The following ASCC3 variants were observed in gnomAD, a reference collection of about 807,000 sequenced individuals.
ASCC3 encodes ASC-1 complex subunit P200.
In ASCC3, 158 loss-of-function variants were observed where a neutral mutation model predicts 256.3. That is an observed-to-expected ratio of 0.62 (90% CI 0.54 to 0.70). ASCC3 has a LOEUF of 0.70. Ranked by LOEUF, ASCC3 falls within the 30% of genes least tolerant of loss-of-function variation. The pLI is 0.00. For synonymous variants in ASCC3, 948 were observed against 883.4 expected (o/e 1.07, Z -1.30); for missense variants, 2,259 against 2,626.0 (o/e 0.86, Z 3.05).
Position 100,783,501 on chromosome 6 carries a change from G to C in ASCC3, c.1395+15212C>G, listed in dbSNP as rs577690196. ...TCATGTACTAAACGCTGCCTACCAA[G>C]TGTCAGGCTTTGAGGACGTGGTCTG... On this transcript the variant is annotated intron_variant, in intron 8 of 41. Transcript: ENST00000369162. Among the ~76,000 whole-genome samples the C allele has an allele frequency of 5.9e-5, 9 of 152,280 alleles. No homozygotes were observed. In the South Asian group the frequency reaches 1.9e-3, roughly 32 times the overall value.
intron 10 of ASCC3, among the ~76,000 whole-genome samples, chr6:100,759,371 G>A (rs1781329288): frequency 2.0e-5 from 3 of 152,038 alleles, no homozygotes; most frequent in Non-Finnish European, 4.4e-5. Flanking sequence ...TATGGTTTTG[G>A]GTTTTAAATT....
At chr6:100,725,285 A>T (rs1230542189) in intron 11 of ASCC3, among the ~76,000 whole-genome samples, 1 of 151,982 alleles carries the variant, frequency 6.6e-6, no homozygotes. Flanking sequence ...TCATTTAATG[A>T]AAAGAATGGT....
At chr6:100,615,046 C>T (rs979419607) in intron 30 of ASCC3, among the ~76,000 whole-genome samples, 1 of 151,430 alleles carries the variant, frequency 6.6e-6, no homozygotes. Context: ...GATGGAGTCT[C>T]GCTCTGTCGA....
At chr6:100,776,502 GATCTTACATATGCTT>G (rs1207679622) in intron 8 of ASCC3, among the ~76,000 whole-genome samples, 5 of 151,926 alleles carry the variant, frequency 3.3e-5, no homozygotes, top group African/African-American at 1.2e-4. Context: ...CCAGACTACT[GATCTTACATATGCTT>G]ATCTTACATA....
intron 4 of ASCC3, among the ~76,000 whole-genome samples, chr6:100,808,398 A>G (rs1770294596): frequency 6.6e-6 from 1 of 151,960 alleles, no homozygotes. Flanking sequence ...ACTGCTTGTC[A>G]AGTTTTAATT....
chr6:100,840,306 C>T (rs1166118194), intron 4 of ASCC3, among the ~76,000 whole-genome samples: 2 of 151,906 alleles, frequency 1.3e-5, no homozygotes, highest in Non-Finnish European at 1.5e-5. Flanking sequence ...TTATATACAC[C>T]TGAGTAAATA....
chr6:100,702,301 G>A (rs1778394163), intron 13 of ASCC3, among the ~76,000 whole-genome samples: 2 of 152,062 alleles, frequency 1.3e-5, no homozygotes, highest in South Asian at 4.2e-4. Context: ...TGAGACTGAG[G>A]GAGAGAGAGT....
chr6:100,625,842 TAGG>T (rs371699318), intron 29 of ASCC3, among the ~76,000 whole-genome samples: 9 of 152,134 alleles, frequency 5.9e-5, no homozygotes, highest in East Asian at 5.8e-4. Flanking sequence ...ATAGAAAAAT[TAGG>T]AGAAGTTTGT....
chr6:100,666,945 A>C (rs570902500), intron 14 of ASCC3, among the ~76,000 whole-genome samples: 14 of 152,318 alleles, frequency 9.2e-5, no homozygotes, highest in African/African-American at 3.4e-4. Context: ...AAGAAATTTA[A>C]GACAAAATCT....
intron 39 of ASCC3, among the ~76,000 whole-genome samples, chr6:100,513,331 C>T (rs1773869133): frequency 6.6e-6 from 1 of 152,102 alleles, no homozygotes; most frequent in Non-Finnish European, 1.5e-5. Context: ...CTTCCTGATA[C>T]TGAGCAGCTG....
intron 4 of ASCC3, among the ~76,000 whole-genome samples, chr6:100,833,553 G>T (rs1479695390): frequency 6.6e-6 from 1 of 152,108 alleles, no homozygotes; most frequent in Non-Finnish European, 1.5e-5. Context: ...AATAAGGGGA[G>T]TAGATATACA....
intron 33 of ASCC3, among the ~76,000 whole-genome samples, chr6:100,604,820 ATCAGATGTTTTGTCT>A (rs569039980): frequency 6.6e-6 from 1 of 152,148 alleles, no homozygotes; most frequent in Admixed American, 6.6e-5. Flanking sequence ...TACAGGATAA[ATCAGATGTTTTGTCT>A]TCAATGCAGT....
intron 30 of ASCC3, among the ~76,000 whole-genome samples, chr6:100,623,379 GT>G (rs1316168582): frequency 3.5e-4 from 53 of 152,242 alleles, no homozygotes; most frequent in African/African-American, 1.2e-3. Flanking sequence ...TTATGAGTCT[GT>G]TAGTGAATAA....
rs777492979 is a variant in ASCC3 at position 100,510,093 on chromosome 6, G to T, written c.6300C>A (p.Ser2100Arg). Reference sequence around the variant, plus strand: ...TGGGAAATCGAGGAGTAACTGCACAGCTCTCTGGCTTTCCCTGTAAACCAG... The same window carrying T: ...TGGGAAATCGAGGAGTAACTGCACATCTCTCTGGCTTTCCCTGTAAACCAG... ...HFGFHKGKPE[S>R]CAVTPRFPKS... Residue 2100 changes from serine (S) to arginine (R), a missense_variant, in exon 41 of 42, where the codon AGC (serine) becomes AGA (arginine). Coordinates refer to ENST00000369162, the MANE Select transcript of ASCC3 (RefSeq NM_006828.4). The T allele has an allele frequency of 6.2e-7, 1 of 1,613,978 alleles. No individual in the cohort carries two copies. The highest frequency in any genetic ancestry group is 1.3e-5 in the African/African-American group (1 of 74,908).
At chr6:100,629,497 T>A (rs1774423907) in intron 26 of ASCC3, among the ~76,000 whole-genome samples, 1 of 152,190 alleles carries the variant, frequency 6.6e-6, no homozygotes, top group Admixed American at 6.5e-5. Context: ...TTTATAAAGT[T>A]GAACTCATAC....
At chr6:100,873,663 C>T (rs763966520) in intron 1 of ASCC3, among the ~76,000 whole-genome samples, 1 of 152,302 alleles carries the variant, frequency 6.6e-6, no homozygotes, top group Non-Finnish European at 1.5e-5. Flanking sequence ...AAACCTATCA[C>T]ATTAACAGCA....
At chr6:100,590,176 C>A in intron 34 of ASCC3, 117 bp from the exon 35 acceptor site, 1 of 742,374 alleles carries the variant, frequency 1.3e-6, no homozygotes, top group Non-Finnish European at 2.3e-6. Context: ...AACCTATCCT[C>A]AGTAACATCA....
chr6:100,563,705 G>A (rs1481363834), intron 36 of ASCC3, among the ~76,000 whole-genome samples: 1 of 152,122 alleles, frequency 6.6e-6, no homozygotes, highest in East Asian at 1.9e-4. Context: ...GCTAAGGAAT[G>A]TAAATTCATC....
At chr6:100,649,479 C>G (rs1283462601) in intron 20 of ASCC3, among the ~76,000 whole-genome samples, 1 of 151,262 alleles carries the variant, frequency 6.6e-6, no homozygotes, top group Non-Finnish European at 1.5e-5. Context: ...TTCACTACAT[C>G]TATATTAACT....
Sources: allele counts gnomAD v4.1 joint callset (sites outside exome capture counted in the v4.1 genomes callset), GRCh38; gene constraint gnomAD v4.1.1; transcripts MANE v1.5; gene names NCBI Gene and HGNC (gene_info 2026-07-23, HGNC 2026-07-21).